Variants in VWA8 observed in about 807,000 individuals in gnomAD.
VWA8 encodes von Willebrand factor A domain containing 8, also known as von Willebrand factor A domain-containing protein 8.
VWA8 carries 221 observed loss-of-function variants against 241.5 expected under a neutral mutation model. The ratio of observed to expected loss-of-function variants is 0.91; its 90% CI spans 0.82 to 1.02. The LOEUF is 1.02. Ranked by LOEUF, VWA8 falls within the 50% of genes least tolerant of loss-of-function variation. VWA8 has a pLI of 0.00. For missense variants in VWA8, 2,322 were observed against 2,328.7 expected (o/e 1.00, Z 0.06); for synonymous variants, 852 against 827.1 (o/e 1.03, Z -0.52).
At chr13:41,783,541 G>T (rs1051608437) in intron 19 of VWA8, among the ~76,000 whole-genome samples, 1 of 151,792 alleles carries the variant, frequency 6.6e-6, no homozygotes, top group Non-Finnish European at 1.5e-5. Context: ...GGGAGGCTGA[G>T]GTAGAAGAAT....
chr13:41,689,500 A>T lies in VWA8; in HGVS notation c.3985T>A (p.Phe1329Ile), dbSNP rs1450243876. The change falls in exon 34 of 45, where the codon TTC becomes ATC. Residue 1329 changes from phenylalanine (F) to isoleucine (I), a missense_variant. Transcript: ENST00000379310. Reference protein sequence around the residue: ...TGFGVTQETEFSIPHKISSDQ... With the variant: ...TGFGVTQETEISIPHKISSDQ... ...CTGGAAATTTTATGAGGTATGCTGAACTCTGTTTCTGAAAAGTACAAACAT... is the reference window on the plus strand; with the variant it reads ...CTGGAAATTTTATGAGGTATGCTGATCTCTGTTTCTGAAAAGTACAAACAT... The T allele has an allele frequency of 6.2e-7, 1 of 1,605,748 alleles. No individual in the cohort carries two copies. The highest frequency in any genetic ancestry group is 8.5e-7 in the Non-Finnish European group (1 of 1,176,812).
Position 41,960,973 on chromosome 13 carries a change from C to A in VWA8, c.43G>T (p.Gly15Cys). ...LLLLGAPGGHGGPASRRMRLL... is the reference protein window; with the variant it reads ...LLLLGAPGGHCGPASRRMRLL... Reference sequence around the variant, plus strand: ...CGCATGCGCCGCGAGGCCGGGCCGCCGTGGCCTCCGGGTGCCCCGAGGAGT... The same window carrying A: ...CGCATGCGCCGCGAGGCCGGGCCGCAGTGGCCTCCGGGTGCCCCGAGGAGT... Residue 15 changes from glycine (G) to cysteine (C), a missense_variant, in exon 1 of 45, where the codon GGC (glycine) becomes TGC (cysteine). Coordinates refer to ENST00000379310, the MANE Select transcript of VWA8 (RefSeq NM_015058.2). 7.0e-7 allele frequency: 1 copy of A among 1,429,292 alleles called. No homozygotes were observed. The highest frequency in any genetic ancestry group is 9.1e-7 in the Non-Finnish European group (1 of 1,100,332). The allele number at this position is 1,429,292 out of a possible 1,614,324, so 88.5% of individuals were successfully genotyped here. A position where few individuals can be genotyped will look rare whatever the true frequency, so the allele number is the denominator to read the frequency against.
intron 42 of VWA8, among the ~76,000 whole-genome samples, chr13:41,586,959 T>C (rs1032450832): frequency 2.6e-5 from 4 of 152,170 alleles, no homozygotes; most frequent in Non-Finnish European, 2.9e-5. Flanking sequence ...CACAGCAGCA[T>C]TGGGGGTCCC....
rs2045127913 is a variant in VWA8, at chr13:41,685,236, TG to T, written c.4137del (p.Ser1380ValfsTer38). 1.2e-6 allele frequency: 2 copies of T among 1,609,526 alleles called. No individual in the cohort carries two copies. The highest frequency in any genetic ancestry group is 2.2e-5 in the East Asian group (1 of 44,818). On this transcript the variant is annotated frameshift_variant, in exon 35 of 45. Transcript: ENST00000379310. LOFTEE classifies it high-confidence loss of function. ...GGTCTCTTCCAAGAATAAACTTCACTGGGTGACTGAAAAAAAGAAAGAGATT... is the reference window on the plus strand; with the variant it reads ...GGTCTCTTCCAAGAATAAACTTCACTGGTGACTGAAAAAAAGAAAGAGATT... ...IVVGFPDLMS[P>X]SEVYSWKRPS...
chr13:41,891,504 CA>C lies in VWA8; in HGVS notation c.566del (p.Leu189Ter). On this transcript the variant is annotated frameshift_variant, in exon 5 of 45. Transcript: ENST00000379310. LOFTEE classifies it high-confidence loss of function. The part of the protein sequence containing the change: ...EKAERNVLPV[L>X]NNLLENREMQ... ...TCTCTCTGTTTTCCAGCAAGTTGTTCAAAACAGGCAAAACATTCCTCTCTGC... is the reference window on the plus strand; with the variant it reads ...TCTCTCTGTTTTCCAGCAAGTTGTTCAAACAGGCAAAACATTCCTCTCTGC... 1 of 1,614,188 alleles carries C rather than the reference CA, an allele frequency of 6.2e-7. No individual in the cohort carries two copies. Among genetic ancestry groups the C allele is most frequent in the Non-Finnish European group, 8.5e-7 (1 of 1,180,026 alleles).
At chr13:41,873,308 C>A (rs551498049) in intron 9 of VWA8, among the ~76,000 whole-genome samples, 140 of 152,122 alleles carry the variant, frequency 9.2e-4, no homozygotes, top group South Asian at 1.5e-3. Flanking sequence ...CAAAAGCTAG[C>A]AGAAGGCAAG....
chr13:41,836,107 T>G (rs1462545297), intron 12 of VWA8, among the ~76,000 whole-genome samples: 2 of 152,212 alleles, frequency 1.3e-5, no homozygotes, highest in Non-Finnish European at 2.9e-5. Flanking sequence ...TGGGAAACAC[T>G]GCTTAAAAAG....
intron 37 of VWA8, among the ~76,000 whole-genome samples, chr13:41,667,626 C>T (rs2044995358): frequency 6.6e-6 from 1 of 152,010 alleles, no homozygotes; most frequent in South Asian, 2.1e-4. Flanking sequence ...CTTTTTGCTC[C>T]CACAAAAATA....
intron 37 of VWA8, among the ~76,000 whole-genome samples, chr13:41,645,189 C>T (rs2044822904): frequency 6.6e-6 from 1 of 152,154 alleles, no homozygotes; most frequent in African/African-American, 2.4e-5. Context: ...TAAGATAGTG[C>T]CTGGCCATAC....
At chr13:41,685,851 A>G (rs1180108426) in intron 34 of VWA8, among the ~76,000 whole-genome samples, 1 of 152,100 alleles carries the variant, frequency 6.6e-6, no homozygotes, top group Non-Finnish European at 1.5e-5. Flanking sequence ...CTCTTCTGGA[A>G]TTTTGTGTTA....
At chr13:41,943,723 A>C (rs968513563) in intron 2 of VWA8, among the ~76,000 whole-genome samples, 1 of 152,230 alleles carries the variant, frequency 6.6e-6, no homozygotes, top group Admixed American at 6.5e-5. Context: ...ACTTTAATAT[A>C]TACTTCACAA....
intron 43 of VWA8, among the ~76,000 whole-genome samples, chr13:41,573,484 A>AAAAAAAAAT (rs1555303579): frequency 4.3e-5 from 5 of 117,014 alleles, no homozygotes; most frequent in African/African-American, 1.5e-4. Context: ...TAAAAAAAAA[A>AAAAAAAAAT]AAATATATAT....
intron 43 of VWA8, among the ~76,000 whole-genome samples, chr13:41,574,719 A>C (rs1490511157): frequency 6.6e-6 from 1 of 152,232 alleles, no homozygotes; most frequent in African/African-American, 2.4e-5. Context: ...GTATAAAAAT[A>C]GGCACGTAGA....
At chr13:41,608,501 G>C (rs1048965443) in intron 39 of VWA8, among the ~76,000 whole-genome samples, 2 of 152,116 alleles carry the variant, frequency 1.3e-5, no homozygotes, top group Non-Finnish European at 2.9e-5. Flanking sequence ...CATTTTGTTG[G>C]CACAGTATAT....
intron 29 of VWA8, among the ~76,000 whole-genome samples, chr13:41,693,435 T>C (rs2045193088): frequency 6.6e-6 from 1 of 152,092 alleles, no homozygotes; most frequent in Admixed American, 6.6e-5. Flanking sequence ...ATCTCATTTA[T>C]CTTTTTCACA....
intron 27 of VWA8, among the ~76,000 whole-genome samples, chr13:41,702,081 T>C (rs1366747300): frequency 1.3e-5 from 2 of 152,204 alleles, no homozygotes; most frequent in African/African-American, 4.8e-5. Context: ...ATTTCACACA[T>C]GGTGATAATT....
At chr13:41,865,368 TG>T in intron 12 of VWA8, 1 of 353,556 alleles carries the variant, frequency 2.8e-6, no homozygotes, top group South Asian at 2.2e-5. Flanking sequence ...AATAGATTAT[TG>T]TCTACTATAG....
chr13:41,908,277 C>T (rs1875819760), intron 3 of VWA8, among the ~76,000 whole-genome samples: 1 of 152,100 alleles, frequency 6.6e-6, no homozygotes, highest in Non-Finnish European at 1.5e-5. Context: ...ACCAGCCTGG[C>T]CAATGTGGTG....
chr13:41,929,790 T>C (rs1877019664), intron 2 of VWA8, among the ~76,000 whole-genome samples: 2 of 152,184 alleles, frequency 1.3e-5, no homozygotes, highest in Admixed American at 6.5e-5. Context: ...ATAAAATTCC[T>C]AGGAAAAAAG....
Sources: allele counts gnomAD v4.1 joint callset (sites outside exome capture counted in the v4.1 genomes callset), GRCh38; gene constraint gnomAD v4.1.1; transcripts MANE v1.5; gene names NCBI Gene and HGNC (gene_info 2026-07-23, HGNC 2026-07-21).